The following CRYBG1 variants were observed in gnomAD, a reference collection of about 807,000 sequenced individuals.
The protein encoded by CRYBG1 is beta/gamma crystallin domain-containing protein 1.
In CRYBG1, 139 loss-of-function variants were observed where a neutral mutation model predicts 189.2. The ratio of observed to expected loss-of-function variants is 0.73; its 90% CI spans 0.64 to 0.85. CRYBG1 has a LOEUF of 0.85. Ranked by LOEUF, CRYBG1 falls within the 40% of genes least tolerant of loss-of-function variation. The pLI, the probability that CRYBG1 is intolerant of heterozygous loss-of-function variation, is 0.00. For synonymous variants in CRYBG1, 1,023 were observed against 1,017.1 expected (o/e 1.01, Z -0.11); for missense variants, 2,611 against 2,675.8 (o/e 0.98, Z 0.53).
chr6:106,502,820 T>TA (rs11386592), intron 2 of CRYBG1, among the ~76,000 whole-genome samples: 29,248 of 152,056 alleles, frequency 0.19, 3,396 homozygotes, highest in South Asian at 0.3. Context: ...CAAGAAGGGC[T>TA]AAAAAAAACC....
chr6:106,414,970 A>G (rs1289677721), intron 1 of CRYBG1, among the ~76,000 whole-genome samples: 2 of 152,204 alleles, frequency 1.3e-5, no homozygotes, highest in Non-Finnish European at 2.9e-5. Flanking sequence ...AATAATACAA[A>G]TGCATTCAAC....
chr6:106,405,265 T>C (rs976136136), intron 1 of CRYBG1, among the ~76,000 whole-genome samples: 2 of 152,168 alleles, frequency 1.3e-5, no homozygotes, highest in Non-Finnish European at 2.9e-5. Context: ...ACAAAGCTGC[T>C]GGGAAGTTCA....
chr6:106,367,844 G>C (rs1354439347), intron 1 of CRYBG1, among the ~76,000 whole-genome samples: 1 of 151,420 alleles, frequency 6.6e-6, no homozygotes, highest in Non-Finnish European at 1.5e-5. Context: ...GCACACACCT[G>C]TGGTCTCAGC....
intron 1 of CRYBG1, chr6:106,449,421 G>A (rs1262302044): frequency 1.3e-5 from 2 of 152,444 alleles, no homozygotes; most frequent in Non-Finnish European, 2.9e-5. Flanking sequence ...CTTGTCTGAT[G>A]TCAGAAGCTA....
At chr6:106,452,896 GTTGTATAATACATTTC>G (rs1365223613) in intron 2 of CRYBG1, among the ~76,000 whole-genome samples, 1 of 152,154 alleles carries the variant, frequency 6.6e-6, no homozygotes, top group Non-Finnish European at 1.5e-5. Context: ...AGGCCTGAAG[GTTGTATAATACATTTC>G]TTGTTATAAC....
intron 13 of CRYBG1, among the ~76,000 whole-genome samples, chr6:106,551,512 GT>G (rs1438965095): frequency 6.6e-6 from 1 of 152,086 alleles, no homozygotes; most frequent in Non-Finnish European, 1.5e-5. Flanking sequence ...AGAATAATTC[GT>G]TTTCCCCTGG....
intron 1 of CRYBG1, among the ~76,000 whole-genome samples, chr6:106,433,744 T>TATATATATATATGTATATATATATATAC (rs1562305824): frequency 5.2e-5 from 1 of 19,050 alleles, no homozygotes; most frequent in African/African-American, 3.2e-4. Flanking sequence ...TACATATATA[T>TATATATATATATGTATATATATATATAC]GTATATATAT....
intron 21 of CRYBG1, among the ~76,000 whole-genome samples, chr6:106,564,319 C>T (rs1258466118): frequency 6.6e-6 from 1 of 152,204 alleles, no homozygotes; most frequent in Non-Finnish European, 1.5e-5. Context: ...CTAAAAATCA[C>T]AAGCTGAAAG....
At chr6:106,506,062 C>T (rs991392894) in intron 2 of CRYBG1, among the ~76,000 whole-genome samples, 2 of 152,198 alleles carry the variant, frequency 1.3e-5, no homozygotes, top group Non-Finnish European at 2.9e-5. Flanking sequence ...AACCTGTGCA[C>T]CGGTAGCTCC....
rs1771456783 is a variant in CRYBG1, at chr6:106,436,339, C to T, written c.174-15355C>T. On this transcript the variant is annotated intron_variant, in intron 1 of 21. Coordinates refer to ENST00000633556, the MANE Select transcript of CRYBG1 (RefSeq NM_001371242.2). ...TTTGAGACGGAGTCTCGCTCTGTTG[C>T]CTAGGCTGGAGTGCAGCGGCGCGAT... 2.0e-5 allele frequency among the ~76,000 whole-genome samples: 3 copies of T among 148,364 alleles called. No individual in the cohort carries two copies. In the South Asian group the frequency reaches 6.3e-4, roughly 31 times the overall value.
intron 1 of CRYBG1, among the ~76,000 whole-genome samples, chr6:106,389,007 G>A (rs1279239197): frequency 6.6e-6 from 1 of 152,106 alleles, no homozygotes; most frequent in African/African-American, 2.4e-5. Context: ...ATTTTCACCA[G>A]TTTTTTAATT....
chr6:106,419,424 C>T (rs1771085330), intron 1 of CRYBG1, among the ~76,000 whole-genome samples: 3 of 152,114 alleles, frequency 2.0e-5, no homozygotes, highest in Non-Finnish European at 4.4e-5. Context: ...ACTCTGTCAC[C>T]CAGGCTGGAG....
intron 1 of CRYBG1, among the ~76,000 whole-genome samples, chr6:106,408,464 T>A (rs957870991): frequency 9.2e-5 from 14 of 152,214 alleles, no homozygotes; most frequent in Non-Finnish European, 1.0e-4. Context: ...CTGGTACCAT[T>A]CCTTCTGAAA....
intron 1 of CRYBG1, among the ~76,000 whole-genome samples, chr6:106,421,545 A>G (rs759048813): frequency 1.2e-4 from 19 of 152,152 alleles, no homozygotes; most frequent in Non-Finnish European, 2.4e-4. Context: ...AGCTGAGCCT[A>G]GAGAGTAGGG....
intron 1 of CRYBG1, among the ~76,000 whole-genome samples, chr6:106,443,063 T>G (rs996530891): frequency 3.3e-5 from 5 of 152,208 alleles, no homozygotes; most frequent in Admixed American, 6.5e-5. Flanking sequence ...AGAGAATAAC[T>G]GGAATCTTAC....
At chr6:106,403,144 G>T (rs114141324) in intron 1 of CRYBG1, among the ~76,000 whole-genome samples, 1,736 of 152,198 alleles carry the variant, frequency 0.011, 40 homozygotes, top group African/African-American at 0.04. Flanking sequence ...AGACTAGCCT[G>T]GGCAACAAAG....
In CRYBG1 at chr6:106,360,858, G is replaced by C; in HGVS notation, c.-51G>C. 6.7e-7 allele frequency: 1 copy of C among 1,488,696 alleles called. No individual in the cohort carries two copies. The allele number at this position is 1,488,696 out of a possible 1,614,324, so 92.2% of individuals were successfully genotyped here. A position where few individuals can be genotyped will look rare whatever the true frequency, so the allele number is the denominator to read the frequency against. On this transcript the variant is annotated 5_prime_UTR_variant, in exon 1 of 22. Coordinates refer to ENST00000633556, the MANE Select transcript of CRYBG1 (RefSeq NM_001371242.2). ...AGGTGTGTTCTTCCATAGGGCCCGGGCGGCAGAGAGGACCGCGTCCCGGCA... is the reference window on the plus strand; with the variant it reads ...AGGTGTGTTCTTCCATAGGGCCCGGCCGGCAGAGAGGACCGCGTCCCGGCA...
rs1022352209 is a variant in CRYBG1 at position 106,512,563 on chromosome 6, G to T, written c.1446G>T (p.Ala482=). The T allele has an allele frequency of 5.0e-6, 8 of 1,607,068 alleles. No homozygotes were observed. The East Asian group carries it at 1.8e-4, about 36-fold the overall frequency. The change falls in exon 3 of 22, where the codon GCG becomes GCT. Residue 482 remains alanine (A), a synonymous_variant. Transcript: ENST00000633556. ...TCGACGGGGGCGTTGCCTCCGCTGC[G>T]AGCCCAGAGTCCAAGCCCAGCCCCG... is the stretch of plus-strand genomic sequence containing the variant. The part of the protein sequence containing the change: ...AALDGGVASA[A]SPESKPSPGT...
intron 2 of CRYBG1, among the ~76,000 whole-genome samples, chr6:106,456,094 G>A (rs1008871406): frequency 2.0e-5 from 3 of 152,168 alleles, no homozygotes; most frequent in Non-Finnish European, 4.4e-5. Context: ...AAACAAAGAA[G>A]TATCTGCTTT....
Sources: allele counts gnomAD v4.1 joint callset (sites outside exome capture counted in the v4.1 genomes callset), GRCh38; gene constraint gnomAD v4.1.1; transcripts MANE v1.5; gene names NCBI Gene and HGNC (gene_info 2026-07-23, HGNC 2026-07-21).